The following TCN2 variants were observed in gnomAD, a reference collection of about 807,000 sequenced individuals.
TCN2 encodes transcobalamin-2.
A neutral mutation model predicts 48.6 loss-of-function variants in TCN2; 34 were observed. That is an observed-to-expected ratio of 0.70 (90% CI 0.53 to 0.93). The LOEUF is 0.93. TCN2 is among the 40% of genes least tolerant of loss of function. The pLI, the probability that TCN2 is intolerant of heterozygous loss-of-function variation, is 0.00. For missense variants in TCN2, 652 were observed against 526.1 expected (o/e 1.24, Z -2.34); for synonymous variants, 283 against 212.5 (o/e 1.33, Z -2.89).
Position 30,615,912 on chromosome 22 carries a change from G to A in TCN2, c.940+125G>A, listed in dbSNP as rs117582294. On this transcript the variant is annotated intron_variant, in intron 6 of 8. Transcript: ENST00000215838. ...AGCACAAGATTGTGGGTGTGCATGG[G>A]ACACAGCAGCCAAAATGTGGTCATA... is the stretch of plus-strand genomic sequence containing the variant. 28,864 of 1,175,874 alleles carry A rather than the reference G, an allele frequency of 0.025. 437 individuals are homozygous for A. The highest frequency in any genetic ancestry group is 0.029 in the Non-Finnish European group (23,490 of 797,534). 72.8% of individuals were successfully genotyped at this position (1,175,874 alleles called of 1,614,324 possible).
intron 6 of TCN2, 30 bp downstream of exon 6, chr22:30,615,817 C>T (rs774039624): frequency 2.5e-6 from 4 of 1,613,366 alleles, no homozygotes; most frequent in South Asian, 1.1e-5. Context: ...AAGCACAGCC[C>T]TTTACAATCT....
intron 7 of TCN2, 106 bp downstream of exon 7, chr22:30,617,601 A>G: frequency 6.8e-7 from 1 of 1,467,050 alleles, no homozygotes; most frequent in Non-Finnish European, 9.4e-7. Context: ...CGGGAGAGAC[A>G]CTGGCCCTGC....
rs765360226 is a variant in TCN2, at chr22:30,615,763, T to C, written c.916T>C (p.Phe306Leu). ...LNHKTYIDLIFPDCLAPRVML... is the reference protein window; with the variant it reads ...LNHKTYIDLILPDCLAPRVML... ...CCACAAGACCTACATTGATCTGATCTTCCCAGACTGTCTGGCACCACGAGG... is the reference window on the plus strand; with the variant it reads ...CCACAAGACCTACATTGATCTGATCCTCCCAGACTGTCTGGCACCACGAGG... Residue 306 changes from phenylalanine (F) to leucine (L), a missense_variant, in exon 6 of 9, where the codon TTC becomes CTC. Transcript: ENST00000215838. 1.5e-5 allele frequency: 24 copies of C among 1,613,780 alleles called. No homozygotes were observed. The Middle Eastern group carries it at 4.9e-4, about 33-fold the overall frequency.
intron 8 of TCN2, among the ~76,000 whole-genome samples, chr22:30,625,756 G>A (rs1048875244): frequency 2.0e-5 from 3 of 152,118 alleles, no homozygotes; most frequent in African/African-American, 4.8e-5. Context: ...GAGCCACCCT[G>A]CTCGGCCTAT....
intron 7 of TCN2, among the ~76,000 whole-genome samples, chr22:30,620,283 C>T (rs917450784): frequency 2.0e-5 from 3 of 152,206 alleles, no homozygotes; most frequent in Admixed American, 2.0e-4. Flanking sequence ...GAAAGCCCGT[C>T]TCTACCACAC....
intron 1 of TCN2, among the ~76,000 whole-genome samples, chr22:30,607,715 G>A (rs2087473973): frequency 6.6e-6 from 1 of 152,080 alleles, no homozygotes; most frequent in Admixed American, 6.6e-5. Flanking sequence ...TAGAGCTTAT[G>A]TTCTAGGGAA....
In TCN2 at chr22:30,607,258, A is replaced by C; in HGVS notation, c.-74A>C. On this transcript the variant is annotated 5_prime_UTR_variant, in exon 1 of 9. Coordinates refer to ENST00000215838, the MANE Select transcript of TCN2 (RefSeq NM_000355.4). ...CTCGGAGCGGTGACCAGCTGTGGTCAGGAGAGCCTCAGCAGGGCCAGCCCC... is the reference window on the plus strand; with the variant it reads ...CTCGGAGCGGTGACCAGCTGTGGTCCGGAGAGCCTCAGCAGGGCCAGCCCC... 1 of 1,523,664 alleles carries C rather than the reference A, an allele frequency of 6.6e-7. No individual in the cohort carries two copies. Among genetic ancestry groups the C allele is most frequent in the Non-Finnish European group, 9.1e-7 (1 of 1,098,044 alleles). 94.4% of individuals were successfully genotyped at this position (1,523,664 alleles called of 1,614,324 possible). A position where few individuals can be genotyped will look rare whatever the true frequency, so the allele number is the denominator to read the frequency against.
chr22:30,623,971 C>T lies in TCN2; in HGVS notation c.1222+888C>T, dbSNP rs1569047006. Among the ~76,000 whole-genome samples, 8 of 16,674 alleles carry T rather than the reference C, an allele frequency of 4.8e-4. 1 individual carries two copies. The highest frequency in any genetic ancestry group is 2.8e-3 in the East Asian group (2 of 708). The allele number at this position is 16,674 out of a possible 152,430, so 10.9% of individuals were successfully genotyped here. A position where few individuals can be genotyped will look rare whatever the true frequency, so the allele number is the denominator to read the frequency against. On this transcript the variant is annotated intron_variant, in intron 8 of 8. Coordinates refer to ENST00000215838, the MANE Select transcript of TCN2 (RefSeq NM_000355.4). ...ACATATGTATACATATATACACACACATATATATGTATACATATATACACA... is the reference window on the plus strand; with the variant it reads ...ACATATGTATACATATATACACACATATATATATGTATACATATATACACA...
intron 7 of TCN2, among the ~76,000 whole-genome samples, chr22:30,620,166 A>T (rs1178329383): frequency 6.6e-6 from 1 of 151,746 alleles, no homozygotes; most frequent in Non-Finnish European, 1.5e-5. Context: ...TTTAAAAGAC[A>T]AAGGGCTGAG....
At chr22:30,613,520 C>G (rs573259943) in intron 3 of TCN2, among the ~76,000 whole-genome samples, 2 of 152,272 alleles carry the variant, frequency 1.3e-5, no homozygotes, top group Admixed American at 6.5e-5. Context: ...CTCAGGTGAT[C>G]CGCTTGCCTT....
chr22:30,620,732 T>A (rs913348054), intron 7 of TCN2, among the ~76,000 whole-genome samples: 4 of 152,246 alleles, frequency 2.6e-5, no homozygotes, highest in African/African-American at 9.6e-5. Context: ...GGGAAGACAC[T>A]GTGGACTCCA....
At chr22:30,612,253 A>AT (rs905044270) in intron 2 of TCN2, among the ~76,000 whole-genome samples, 3 of 151,612 alleles carry the variant, frequency 2.0e-5, no homozygotes, top group Non-Finnish European at 2.9e-5. Flanking sequence ...AGTAAAAAAA[A>AT]AAAATAAAAA....
intron 1 of TCN2, among the ~76,000 whole-genome samples, chr22:30,608,324 G>T (rs903685684): frequency 1.3e-5 from 2 of 152,218 alleles, no homozygotes; most frequent in Non-Finnish European, 2.9e-5. Context: ...GACCCACTCA[G>T]GGTGCTCCAC....
At chr22:30,620,841 C>T (rs1602053170) in intron 7 of TCN2, among the ~76,000 whole-genome samples, 3 of 152,284 alleles carry the variant, frequency 2.0e-5, no homozygotes, top group Admixed American at 2.0e-4. Context: ...GCAGAGAAAG[C>T]TCAACTGCAG....
intron 1 of TCN2, among the ~76,000 whole-genome samples, chr22:30,610,025 C>T (rs1407296871): frequency 6.6e-6 from 1 of 152,150 alleles, no homozygotes; most frequent in Non-Finnish European, 1.5e-5. Flanking sequence ...ACCGAAAGTG[C>T]AAGGTTACCT....
intron 1 of TCN2, among the ~76,000 whole-genome samples, chr22:30,608,877 C>T (rs191850595): frequency 1.4e-4 from 22 of 152,266 alleles, no homozygotes; most frequent in Admixed American, 6.5e-4. Context: ...AACCTGACCC[C>T]ACAGGAGCCC....
At chr22:30,626,368 C>A in intron 8 of TCN2, 92 bp from the exon 9 acceptor site, 2 of 1,380,658 alleles carry the variant, frequency 1.4e-6, no homozygotes, top group Non-Finnish European at 2.0e-6. Context: ...TTCTTACAGA[C>A]TCTAGCCTCA....
At chr22:30,624,869 C>T (rs1367295354) in intron 8 of TCN2, among the ~76,000 whole-genome samples, 1 of 152,180 alleles carries the variant, frequency 6.6e-6, no homozygotes, top group South Asian at 2.1e-4. Flanking sequence ...TCTCTTTTGT[C>T]TTAGTCCATT....
intron 7 of TCN2, among the ~76,000 whole-genome samples, chr22:30,621,314 A>T (rs1270155764): frequency 5.3e-5 from 8 of 152,060 alleles, no homozygotes; most frequent in Non-Finnish European, 2.9e-5. Flanking sequence ...AAACCAAAAA[A>T]ATCCCTCTAA....
Sources: gnomAD v4.1 joint callset for allele counts (sites outside exome capture counted in the v4.1 genomes callset) on GRCh38, gnomAD v4.1.1 for gene constraint, MANE v1.5 for transcripts, NCBI Gene and HGNC (gene_info 2026-07-23, HGNC 2026-07-21) for gene names.